Variants in ACSL3 observed in about 807,000 individuals in gnomAD.
The protein encoded by ACSL3 is acyl-CoA synthetase long chain family member 3.
A neutral mutation model predicts 84.7 loss-of-function variants in ACSL3; 34 were observed. That is an observed-to-expected ratio of 0.40 (90% CI 0.31 to 0.53). ACSL3 has a LOEUF of 0.53. ACSL3 is among the 20% of genes least tolerant of loss of function. The pLI, the probability that ACSL3 is intolerant of heterozygous loss-of-function variation, is 0.48. For missense variants in ACSL3, 680 were observed against 873.1 expected, an observed-to-expected ratio of 0.78 and a Z score of 2.79; for synonymous variants, 315 against 299.4, an observed-to-expected ratio of 1.05 and a Z score of -0.54.
chr2:222,929,741 G>A (rs1199757689), intron 13 of ACSL3, among the ~76,000 whole-genome samples: 1 of 151,858 alleles, frequency 6.6e-6, no homozygotes, highest in African/African-American at 2.4e-5. Context: ...TTGCGCCACT[G>A]CACTCTAGCC....
At chr2:222,925,303 G>T (rs886569140) in intron 11 of ACSL3, among the ~76,000 whole-genome samples, 1 of 143,286 alleles carries the variant, frequency 7.0e-6, no homozygotes. Context: ...TCGTGCCACT[G>T]CACTCCAGCC....
chr2:222,943,246 CTTGTA>C lies in ACSL3; in HGVS notation c.*1599_*1603del, dbSNP rs906313597. On this transcript the variant is annotated 3_prime_UTR_variant, in exon 17 of 17. Transcript: ENST00000357430. Reference sequence around the variant, plus strand: ...ACAGTGTTTTTTGTTTTCAACTTTTCTTGTATTGTATATTTGTATTATGTTTTGAA... The same window carrying C: ...ACAGTGTTTTTTGTTTTCAACTTTTCTTGTATATTTGTATTATGTTTTGAA... The C allele has an allele frequency of 6.6e-5, 7 of 106,604 alleles. No individual in the cohort carries two copies. Among genetic ancestry groups the C allele is most frequent in the Non-Finnish European group, 1.1e-4 (7 of 64,886 alleles). 6.6% of individuals were successfully genotyped at this position (106,604 alleles called of 1,614,324 possible).
chr2:222,931,524 C>T (rs1394117720), intron 14 of ACSL3, among the ~76,000 whole-genome samples: 1 of 152,092 alleles, frequency 6.6e-6, no homozygotes, highest in Non-Finnish European at 1.5e-5. Flanking sequence ...ATTTTATATC[C>T]CACTAGTTTA....
At chr2:222,929,649 G>A (rs1208914513) in intron 13 of ACSL3, among the ~76,000 whole-genome samples, 3 of 151,932 alleles carry the variant, frequency 2.0e-5, no homozygotes, top group African/African-American at 4.8e-5. Context: ...GTGGTGGTGC[G>A]TGCCTGTAAT....
chr2:222,872,806 A>G (rs1409646895), intron 1 of ACSL3, among the ~76,000 whole-genome samples: 2 of 151,936 alleles, frequency 1.3e-5, no homozygotes, highest in Non-Finnish European at 2.9e-5. Context: ...TGGTGGGGCA[A>G]CTGGGCCGCT....
chr2:222,930,699 A>G lies in ACSL3; in HGVS notation c.1619A>G (p.Tyr540Cys), dbSNP rs1371440781. The G allele has an allele frequency of 6.2e-7, 1 of 1,614,198 alleles. No individual in the cohort carries two copies. The highest frequency in any genetic ancestry group is 8.5e-7 in the Non-Finnish European group (1 of 1,180,016). The change falls in exon 14 of 17, where the codon TAC (tyrosine) becomes TGC (cysteine). Residue 540 changes from tyrosine to cysteine, a missense_variant. Physicochemically the swap from Tyr to Cys is radical, Grantham distance 194. This residue lies in a region of ACSL3 where 347 missense variants were observed against 525.7 expected (regional missense o/e 0.66). Transcript: ENST00000357430. Reference sequence around the variant, plus strand: ...GGCCAAAGTGTGACAATGGGGTACTACAAAAATGAAGCAAAAACAAAAGCT... The same window carrying G: ...GGCCAAAGTGTGACAATGGGGTACTGCAAAAATGAAGCAAAAACAAAAGCT... ...IGGQSVTMGY[Y>C]KNEAKTKADF...
intron 1 of ACSL3, among the ~76,000 whole-genome samples, chr2:222,886,349 T>G (rs951183130): frequency 6.6e-6 from 1 of 152,306 alleles, no homozygotes; most frequent in South Asian, 2.1e-4. Context: ...GTTCCTGTGT[T>G]AGTTTGCTGA....
chr2:222,930,787 A>T lies in ACSL3; in HGVS notation c.1707A>T (p.Glu569Asp). 6.2e-7 allele frequency: 1 copy of T among 1,607,042 alleles called. No homozygotes were observed. The highest frequency in any genetic ancestry group is 1.3e-5 in the African/African-American group (1 of 74,618). ...WLCTGDIGEF[E>D]PDGCLKIIDR... ...GTACTGGGGATATTGGAGAGTTTGA[A>T]CCCGATGGATGCTTAAAGATTATTG... The change falls in exon 14 of 17, where the codon GAA becomes GAT. Residue 569 changes from glutamate to aspartate, a missense_variant. Coordinates refer to ENST00000357430, the MANE Select transcript of ACSL3 (RefSeq NM_004457.5).
At chr2:222,876,753 GA>G (rs111631000) in intron 1 of ACSL3, among the ~76,000 whole-genome samples, 114 of 144,694 alleles carry the variant, frequency 7.9e-4, no homozygotes, top group East Asian at 1.8e-3. Flanking sequence ...GGAAAGCAGA[GA>G]AAAAAAAAAA....
intron 1 of ACSL3, among the ~76,000 whole-genome samples, chr2:222,881,081 T>G (rs1360744065): frequency 6.6e-6 from 1 of 152,354 alleles, no homozygotes; most frequent in South Asian, 2.1e-4. Flanking sequence ...GCCGTAAATG[T>G]AAGCCATATA....
chr2:222,895,321 C>A (rs931009411), intron 2 of ACSL3, among the ~76,000 whole-genome samples: 2 of 152,200 alleles, frequency 1.3e-5, no homozygotes, highest in Non-Finnish European at 2.9e-5. Context: ...CTGTTTCTCC[C>A]ACCCTCTCTC....
chr2:222,903,336 T>A (rs546829390), intron 3 of ACSL3, among the ~76,000 whole-genome samples: 7 of 152,302 alleles, frequency 4.6e-5, no homozygotes, highest in African/African-American at 1.7e-4. Flanking sequence ...GAGACAGGGC[T>A]TCGTCATGTT....
chr2:222,873,953 G>A (rs1451941911), intron 1 of ACSL3, among the ~76,000 whole-genome samples: 1 of 152,216 alleles, frequency 6.6e-6, no homozygotes, highest in Non-Finnish European at 1.5e-5. Context: ...CAGAGAGGTT[G>A]TACTTATATA....
At chr2:222,887,977 CA>C (rs907177189) in intron 2 of ACSL3, 89 bp downstream of exon 2, 4 of 151,802 alleles carry the variant, frequency 2.6e-5, no homozygotes, top group African/African-American at 9.7e-5. Context: ...CTAAATTGAC[CA>C]AAAAATTGTA....
intron 3 of ACSL3, among the ~76,000 whole-genome samples, chr2:222,901,696 C>T (rs547159334): frequency 2.6e-5 from 4 of 152,202 alleles, no homozygotes; most frequent in African/African-American, 7.2e-5. Context: ...CCTGTAATCC[C>T]AGCACTTTGG....
intron 14 of ACSL3, among the ~76,000 whole-genome samples, chr2:222,931,968 A>G (rs1697041540): frequency 6.6e-6 from 1 of 152,082 alleles, no homozygotes; most frequent in Non-Finnish European, 1.5e-5. Flanking sequence ...GGAGTATCAC[A>G]GGAGCCCAGG....
chr2:222,876,842 G>A (rs777617884), intron 1 of ACSL3, among the ~76,000 whole-genome samples: 1 of 152,136 alleles, frequency 6.6e-6, no homozygotes, highest in African/African-American at 2.4e-5. Flanking sequence ...AATAAGTTAC[G>A]TTAATGGTAT....
In ACSL3 at chr2:222,923,149, G is replaced by A. The variant is rs757265756; in HGVS notation, c.1152G>A (p.Pro384=). The change falls in exon 10 of 17, where the codon CCG becomes CCA. Residue 384 remains proline, a splice_region_variant and synonymous_variant. Coordinates refer to ENST00000357430, the MANE Select transcript of ACSL3 (RefSeq NM_004457.5). The stretch of plus-strand genomic sequence containing the variant: ...AACCAACACTGATGGCAGCAGTTCC[G>A]GTAAGAAGTGACCCTTATTTAATAT... ...MLKPTLMAAV[P]EIMDRIYKNV... is the part of the protein sequence containing the mutation. The A allele has an allele frequency of 1.2e-6, 2 of 1,612,096 alleles. No homozygotes were observed. Among genetic ancestry groups the A allele is most frequent in the Non-Finnish European group, 1.7e-6 (2 of 1,178,304 alleles).
intron 2 of ACSL3, among the ~76,000 whole-genome samples, chr2:222,894,643 GA>G (rs1409171909): frequency 1.3e-5 from 2 of 151,452 alleles, no homozygotes; most frequent in Non-Finnish European, 3.0e-5. Flanking sequence ...AATGGACTTA[GA>G]CCTGCATTTA....
Sources: gnomAD v4.1 joint callset for allele counts (sites outside exome capture counted in the v4.1 genomes callset) on GRCh38, gnomAD v4.1.1 for gene constraint, gnomAD v4.1.1 regional missense constraint, MANE v1.5 for transcripts, NCBI Gene and HGNC (gene_info 2026-07-23, HGNC 2026-07-21) for gene names.